CACNA2D3: variants seen among roughly 807,000 people sequenced by gnomAD.
The protein encoded by CACNA2D3 is calcium voltage-gated channel auxiliary subunit alpha2delta 3.
In CACNA2D3, 60 loss-of-function variants were observed where a neutral mutation model predicts 160.6. The ratio of observed to expected loss-of-function variants is 0.37; its 90% CI spans 0.30 to 0.46. CACNA2D3 has a LOEUF of 0.46. Among genes scored for constraint, CACNA2D3 ranks in the 20% least tolerant of loss-of-function variants. The pLI is 1.00. For missense variants in CACNA2D3, 1,205 were observed against 1,365.0 expected (o/e 0.88, Z 1.85); for synonymous variants, 558 against 492.9 (o/e 1.13, Z -1.75).
At chr3:54,870,160 C>G (rs973167857) in intron 17 of CACNA2D3, among the ~76,000 whole-genome samples, 6 of 152,146 alleles carry the variant, frequency 3.9e-5, no homozygotes, top group African/African-American at 1.4e-4. Flanking sequence ...CCCTGTTTGG[C>G]ACCACAGTGG....
intron 11 of CACNA2D3, among the ~76,000 whole-genome samples, chr3:54,684,004 C>CATGTAGCCCAAGCTGG (rs1700403737): frequency 3.7e-5 from 5 of 133,680 alleles, no homozygotes; most frequent in Non-Finnish European, 7.7e-5. Flanking sequence ...GAGTTTCACT[C>CATGTAGCCCAAGCTGG]ATGTAGCCCA....
At chr3:54,859,658 TG>T (rs1699242496) in intron 17 of CACNA2D3, among the ~76,000 whole-genome samples, 1 of 152,100 alleles carries the variant, frequency 6.6e-6, no homozygotes, top group Non-Finnish European at 1.5e-5. Context: ...TTTATTGGCT[TG>T]GCCACTTCTG....
At chr3:54,575,845 A>T (rs1702571804) in intron 8 of CACNA2D3, among the ~76,000 whole-genome samples, 1 of 152,150 alleles carries the variant, frequency 6.6e-6, no homozygotes. Flanking sequence ...ACTGAGGAGG[A>T]AAGTGCCATT....
chr3:54,267,930 G>T (rs1702551034), intron 2 of CACNA2D3, among the ~76,000 whole-genome samples: 2 of 152,202 alleles, frequency 1.3e-5, no homozygotes, highest in African/African-American at 4.8e-5. Context: ...CTGGAAGCAT[G>T]TGATGTTTTG....
At chr3:54,660,718 A>G (rs1328994525) in intron 11 of CACNA2D3, among the ~76,000 whole-genome samples, 2 of 152,062 alleles carry the variant, frequency 1.3e-5, no homozygotes, top group African/African-American at 2.4e-5. Flanking sequence ...CTTAGTGAAC[A>G]TGTTCCATTA....
At chr3:54,775,818 A>T (rs1702414964) in intron 13 of CACNA2D3, among the ~76,000 whole-genome samples, 1 of 152,204 alleles carries the variant, frequency 6.6e-6, no homozygotes. Context: ...TCAAGCTGTG[A>T]GAAATTTACT....
At chr3:54,383,570 A>C (rs1356031226) in intron 3 of CACNA2D3, among the ~76,000 whole-genome samples, 1 of 152,234 alleles carries the variant, frequency 6.6e-6, no homozygotes, top group African/African-American at 2.4e-5. Flanking sequence ...TGGATGGAGA[A>C]GGAAATATGT....
intron 2 of CACNA2D3, among the ~76,000 whole-genome samples, chr3:54,289,516 C>T (rs61573029): frequency 6.6e-6 from 1 of 150,714 alleles, no homozygotes; most frequent in Non-Finnish European, 1.5e-5. Flanking sequence ...CCATCCCCAT[C>T]AAGCTACCAA....
intron 12 of CACNA2D3, among the ~76,000 whole-genome samples, chr3:54,762,753 A>C (rs180808962): frequency 6.6e-6 from 1 of 152,198 alleles, no homozygotes; most frequent in Non-Finnish European, 1.5e-5. Context: ...AGTGTCACCA[A>C]TCACAAGACA....
In CACNA2D3 at chr3:54,452,703, A is replaced by G. The variant is rs116807533; in HGVS notation, c.382-50789A>G. 3.5e-3 allele frequency among the ~76,000 whole-genome samples: 534 copies of G among 152,264 alleles called. 3 individuals are homozygous for G. The highest frequency in any genetic ancestry group is 0.012 in the African/African-American group (495 of 41,560). ...AGGGCTTCTGTAACAAAATACCACA[A>G]AGTTGTGGCTTAAAACAACAGGAAT... On this transcript the variant is annotated intron_variant, in intron 4 of 37. Coordinates refer to ENST00000474759, the MANE Select transcript of CACNA2D3 (RefSeq NM_018398.3).
intron 5 of CACNA2D3, among the ~76,000 whole-genome samples, chr3:54,558,855 C>G (rs1403278603): frequency 1.3e-5 from 2 of 152,078 alleles, no homozygotes; most frequent in Non-Finnish European, 2.9e-5. Flanking sequence ...GAGGCTTTGC[C>G]CCTTAGTAGT....
intron 28 of CACNA2D3, 106 bp downstream of exon 28, chr3:54,968,617 G>A (rs1559450333): frequency 2.5e-6 from 2 of 791,634 alleles, no homozygotes. Context: ...ATGAATGTTT[G>A]TAAAATCAAC....
At chr3:54,327,040 G>T (rs1030742832) in intron 3 of CACNA2D3, among the ~76,000 whole-genome samples, 1 of 152,168 alleles carries the variant, frequency 6.6e-6, no homozygotes, top group Admixed American at 6.5e-5. Context: ...TTAAAAAAGA[G>T]CAACAATCTG....
intron 25 of CACNA2D3, among the ~76,000 whole-genome samples, chr3:54,895,248 A>G (rs536415819): frequency 1.4e-4 from 21 of 152,214 alleles, no homozygotes; most frequent in Non-Finnish European, 2.6e-4. Flanking sequence ...AAGAGCTCTT[A>G]TCTGGATATG....
At chr3:54,910,223 C>T (rs1022082692) in intron 27 of CACNA2D3, among the ~76,000 whole-genome samples, 6 of 152,142 alleles carry the variant, frequency 3.9e-5, no homozygotes, top group East Asian at 1.9e-4. Context: ...ATGAAAACAT[C>T]GTGTATGGTC....
At chr3:54,350,980 TTGTTTG>T (rs1395314721) in intron 3 of CACNA2D3, among the ~76,000 whole-genome samples, 858 of 39,586 alleles carry the variant, frequency 0.022, 179 homozygotes, top group Non-Finnish European at 0.03. Flanking sequence ...TTTTTTTTTT[TTGTTTG>T]TTTTTTTTTT....
At chr3:55,062,901 G>A (rs3773540) in intron 35 of CACNA2D3, among the ~76,000 whole-genome samples, 24,288 of 152,132 alleles carry the variant, frequency 0.16, 3,651 homozygotes, top group African/African-American at 0.34. Context: ...ACTATCCTTT[G>A]TGTAGCCTAG....
intron 3 of CACNA2D3, among the ~76,000 whole-genome samples, chr3:54,348,416 A>C (rs925562996): frequency 6.6e-6 from 1 of 152,242 alleles, no homozygotes; most frequent in Non-Finnish European, 1.5e-5. Context: ...TCCATACTCA[A>C]GTCAAAATGG....
intron 17 of CACNA2D3, among the ~76,000 whole-genome samples, chr3:54,864,756 C>G (rs547398951): frequency 6.6e-6 from 1 of 152,306 alleles, no homozygotes; most frequent in South Asian, 2.1e-4. Flanking sequence ...AACCAAGGAC[C>G]TGCATTAGCC....
Sources: allele counts gnomAD v4.1 joint callset (sites outside exome capture counted in the v4.1 genomes callset), GRCh38; gene constraint gnomAD v4.1.1; transcripts MANE v1.5; gene names NCBI Gene and HGNC (gene_info 2026-07-23, HGNC 2026-07-21).